Variants in XPNPEP1 observed in about 807,000 individuals in gnomAD.
The protein encoded by XPNPEP1 is X-prolyl aminopeptidase 1.
A neutral mutation model predicts 92.4 loss-of-function variants in XPNPEP1; 39 were observed. The observed-to-expected ratio is 0.42, with a 90% CI of 0.33 to 0.55. The LOEUF is 0.55. Among genes scored for constraint, XPNPEP1 ranks in the 20% least tolerant of loss-of-function variants. The pLI is 0.08. For missense variants in XPNPEP1, 654 were observed against 856.1 expected (o/e 0.76, Z 2.95); for synonymous variants, 307 against 299.4 (o/e 1.03, Z -0.26).
intron 14 of XPNPEP1, chr10:109,876,912 G>C (rs920812615): frequency 3.3e-5 from 5 of 152,254 alleles, no homozygotes; most frequent in African/African-American, 1.2e-4. Context: ...GTGCCCCTCT[G>C]TCTCACAAGG....
At chr10:109,882,283 T>G in intron 10 of XPNPEP1, 149 bp downstream of exon 10, 1 of 852,536 alleles carries the variant, frequency 1.2e-6, no homozygotes, top group Non-Finnish European at 1.8e-6. Flanking sequence ...CTCAGGCTCT[T>G]GCTATGGCTC....
chr10:109,880,331 T>C lies in XPNPEP1; in HGVS notation c.1132-93A>G, dbSNP rs1848021092. 3.1e-6 allele frequency: 4 copies of C among 1,304,510 alleles called. No individual in the cohort carries two copies. In the East Asian group the frequency reaches 9.2e-5, roughly 30 times the overall value. 80.8% of individuals were successfully genotyped at this position (1,304,510 alleles called of 1,614,324 possible). A position where few individuals can be genotyped will look rare whatever the true frequency, so the allele number is the denominator to read the frequency against. ...CCCTAATGCAATACTGAGAAGGCTG[T>C]ACCTGCAGGGCCACACATCATCAGC... On this transcript the variant is annotated intron_variant, in intron 11 of 20. Coordinates refer to ENST00000502935, the MANE Select transcript of XPNPEP1 (RefSeq NM_020383.4).
intron 2 of XPNPEP1, among the ~76,000 whole-genome samples, chr10:109,909,971 C>T (rs1849774450): frequency 6.6e-6 from 1 of 152,154 alleles, no homozygotes; most frequent in South Asian, 2.1e-4. Flanking sequence ...ACCCTAGGTC[C>T]ACAGCTTACT....
intron 16 of XPNPEP1, 98 bp from the exon 17 acceptor site, chr10:109,871,959 A>G: frequency 8.1e-7 from 1 of 1,236,740 alleles, no homozygotes. Context: ...TAAAGTTTTT[A>G]GCAATATCAT....
chr10:109,882,922 T>G (rs1278313453), intron 9 of XPNPEP1, among the ~76,000 whole-genome samples: 1 of 152,120 alleles, frequency 6.6e-6, no homozygotes, highest in Non-Finnish European at 1.5e-5. Context: ...TAAATCTCCA[T>G]CTAATCTGTC....
At chr10:109,886,523 G>A (rs528772235) in intron 7 of XPNPEP1, among the ~76,000 whole-genome samples, 182 bp from the exon 8 acceptor site, 4 of 152,320 alleles carry the variant, frequency 2.6e-5, no homozygotes, top group South Asian at 2.1e-4. Context: ...CTTGACTGTC[G>A]TGAGCCTTGA....
intron 3 of XPNPEP1, 158 bp from the exon 4 acceptor site, chr10:109,893,233 T>C (rs752715142): frequency 1.6e-6 from 1 of 619,044 alleles, no homozygotes; most frequent in Admixed American, 3.1e-5. Flanking sequence ...AAACAACAGA[T>C]TAGCACACAC....
At chr10:109,871,015 G>A in intron 17 of XPNPEP1, 111 bp from the exon 18 acceptor site, 1 of 1,294,618 alleles carries the variant, frequency 7.7e-7, no homozygotes, top group Non-Finnish European at 1.0e-6. Flanking sequence ...AGTTACTGGA[G>A]GGTTCAGATT....
intron 19 of XPNPEP1, 83 bp from the exon 20 acceptor site, chr10:109,868,795 T>C: frequency 7.6e-7 from 1 of 1,313,310 alleles, no homozygotes; most frequent in Admixed American, 1.8e-5. Context: ...CAGCATGCCA[T>C]CCCTCAGAGC....
intron 9 of XPNPEP1, 186 bp downstream of exon 9, chr10:109,883,881 G>A (rs1419839909): frequency 1.8e-6 from 1 of 555,502 alleles, no homozygotes; most frequent in Non-Finnish European, 3.1e-6. Flanking sequence ...GGGGCTCAAA[G>A]AGAGGCAGGA....
At chr10:109,907,908 C>CGTTCT in intron 2 of XPNPEP1, 93 bp from the exon 3 acceptor site, 2 of 1,537,054 alleles carry the variant, frequency 1.3e-6, no homozygotes, top group African/African-American at 2.7e-5. Context: ...GTGCCTTCTA[C>CGTTCT]GTTCTGCCCC....
chr10:109,879,867 C>A (rs1445434209), intron 12 of XPNPEP1, among the ~76,000 whole-genome samples: 1 of 152,150 alleles, frequency 6.6e-6, no homozygotes, highest in African/African-American at 2.4e-5. Flanking sequence ...TCTCCTAATA[C>A]AATCAGCTTG....
At chr10:109,914,711 G>A (rs1342875336) in intron 2 of XPNPEP1, among the ~76,000 whole-genome samples, 4 of 149,418 alleles carry the variant, frequency 2.7e-5, no homozygotes, top group African/African-American at 5.0e-5. Flanking sequence ...CAGGAGAATC[G>A]CTTGAACCCG....
chr10:109,866,540 AACGCCC>A (rs1287112752), intron 20 of XPNPEP1, among the ~76,000 whole-genome samples: 2 of 152,202 alleles, frequency 1.3e-5, no homozygotes, highest in Admixed American at 6.5e-5. Flanking sequence ...GCCACAGCCA[AACGCCC>A]ATGGCCCTTT....
chr10:109,922,699 T>G (rs534360344), intron 1 of XPNPEP1, among the ~76,000 whole-genome samples: 42 of 152,322 alleles, frequency 2.8e-4, no homozygotes, highest in Middle Eastern at 3.4e-3. Flanking sequence ...AACACCTCTC[T>G]CCGTCTCCCA....
At chr10:109,879,556 T>G (rs4918469) in intron 12 of XPNPEP1, among the ~76,000 whole-genome samples, 38,309 of 151,548 alleles carry the variant, frequency 0.25, 5,283 homozygotes, top group Admixed American at 0.44. Context: ...GGTGACAGAG[T>G]GAGACTCCGT....
intron 5 of XPNPEP1, among the ~76,000 whole-genome samples, chr10:109,890,585 TGTGTGTGTGAGA>T (rs1444225073): frequency 1.1e-4 from 10 of 91,988 alleles, no homozygotes; most frequent in African/African-American, 1.4e-4. Context: ...TGTGTGTGTG[TGTGTGTGTGAGA>T]GAGAGAGAGA....
chr10:109,906,478 C>G (rs902462074), intron 3 of XPNPEP1, among the ~76,000 whole-genome samples: 2 of 152,170 alleles, frequency 1.3e-5, no homozygotes, highest in African/African-American at 4.8e-5. Flanking sequence ...CATTCCTGCC[C>G]TCATGTTCCA....
chr10:109,871,898 G>A, intron 16 of XPNPEP1, 37 bp from the exon 17 acceptor site: 1 of 1,599,514 alleles, frequency 6.3e-7, no homozygotes, highest in Non-Finnish European at 8.6e-7. Flanking sequence ...GCAGAATGGG[G>A]ACAGATGTCT....
Sources: gnomAD v4.1 joint callset for allele counts (sites outside exome capture counted in the v4.1 genomes callset) on GRCh38, gnomAD v4.1.1 for gene constraint, MANE v1.5 for transcripts, NCBI Gene and HGNC (gene_info 2026-07-23, HGNC 2026-07-21) for gene names.